ANGPT2: variants seen among roughly 807,000 people sequenced by gnomAD.
ANGPT2 encodes the protein angiopoietin 2.
A neutral mutation model predicts 62.9 loss-of-function variants in ANGPT2; 28 were observed. That is an observed-to-expected ratio of 0.44 (90% CI 0.33 to 0.61). ANGPT2 has a LOEUF of 0.61. ANGPT2 is among the 20% of genes least tolerant of loss of function. The pLI, the probability that ANGPT2 is intolerant of heterozygous loss-of-function variation, is 0.03. For missense variants in ANGPT2, 727 were observed against 594.9 expected, an observed-to-expected ratio of 1.22 and a Z score of -2.31; for synonymous variants, 284 against 207.8, an observed-to-expected ratio of 1.37 and a Z score of -3.15.
At chr8:6,526,901 C>G (rs766663176) in intron 3 of ANGPT2, among the ~76,000 whole-genome samples, 4 of 151,986 alleles carry the variant, frequency 2.6e-5, no homozygotes, top group Non-Finnish European at 2.9e-5. Flanking sequence ...TATTGTTGAT[C>G]TTGAGATTTT....
chr8:6,549,216 C>G (rs1293829860), intron 1 of ANGPT2, among the ~76,000 whole-genome samples: 1 of 152,202 alleles, frequency 6.6e-6, no homozygotes, highest in East Asian at 1.9e-4. Context: ...ACACAAATGT[C>G]AATCTACAGC....
intron 5 of ANGPT2, among the ~76,000 whole-genome samples, chr8:6,515,672 C>T (rs545349736): frequency 5.3e-5 from 8 of 152,156 alleles, no homozygotes; most frequent in East Asian, 1.9e-4. Flanking sequence ...TACAGTAGAA[C>T]GAAACATGTT....
chr8:6,526,629 G>T (rs866735949), intron 3 of ANGPT2, among the ~76,000 whole-genome samples: 3 of 152,092 alleles, frequency 2.0e-5, no homozygotes, highest in Non-Finnish European at 4.4e-5. Context: ...AGGACAGAAA[G>T]AATTATTTCA....
chr8:6,511,070 CTT>C (rs1814983861), intron 7 of ANGPT2, among the ~76,000 whole-genome samples: 1 of 152,198 alleles, frequency 6.6e-6, no homozygotes, highest in Non-Finnish European at 1.5e-5. Context: ...TTAACTCTCT[CTT>C]GTCTCCTTTG....
At chr8:6,548,785 G>A (rs140429562) in intron 1 of ANGPT2, among the ~76,000 whole-genome samples, 83 of 152,326 alleles carry the variant, frequency 5.4e-4, no homozygotes, top group African/African-American at 1.9e-3. Context: ...GTGCTATCAG[G>A]GAGGGAGGGA....
At chr8:6,539,142 C>T (rs936741174) in intron 1 of ANGPT2, among the ~76,000 whole-genome samples, 2 of 152,158 alleles carry the variant, frequency 1.3e-5, no homozygotes, top group African/African-American at 4.8e-5. Flanking sequence ...CTGGGAGATG[C>T]GGATTTTGGG....
chr8:6,534,986 A>G (rs1461834029), intron 1 of ANGPT2, among the ~76,000 whole-genome samples: 4 of 152,212 alleles, frequency 2.6e-5, no homozygotes, highest in African/African-American at 4.8e-5. Flanking sequence ...GTTACTCCTC[A>G]CAGCACCCCA....
intron 7 of ANGPT2, among the ~76,000 whole-genome samples, chr8:6,509,423 A>T (rs1349054124): frequency 6.6e-6 from 1 of 152,206 alleles, no homozygotes; most frequent in African/African-American, 2.4e-5. Flanking sequence ...ATAGAGACGG[A>T]GTCCTGAGAC....
intron 2 of ANGPT2, among the ~76,000 whole-genome samples, chr8:6,528,335 A>G (rs1818773625): frequency 6.6e-6 from 1 of 152,248 alleles, no homozygotes; most frequent in Admixed American, 6.5e-5. Context: ...GTCATATTTC[A>G]TAGGTGGAAA....
At chr8:6,510,330 G>A (rs1814789699) in intron 7 of ANGPT2, among the ~76,000 whole-genome samples, 2 of 152,118 alleles carry the variant, frequency 1.3e-5, no homozygotes, top group Admixed American at 6.5e-5. Context: ...AGACCCAGGC[G>A]AGGAGCCTAC....
chr8:6,527,702 A>T (rs751588029), intron 2 of ANGPT2, 26 bp from the exon 3 acceptor site: 1 of 1,569,844 alleles, frequency 6.4e-7, no homozygotes, highest in Non-Finnish European at 8.6e-7. Flanking sequence ...TGAAGTTCCT[A>T]TTAATTATTT....
chr8:6,550,011 G>C (rs559461624), intron 1 of ANGPT2, among the ~76,000 whole-genome samples: 2 of 152,322 alleles, frequency 1.3e-5, no homozygotes, highest in African/African-American at 4.8e-5. Context: ...GTGATCATTC[G>C]GGGACGGGGG....
Position 6,514,797 on chromosome 8 carries a change from G to A in ANGPT2, c.928-19C>T. On this transcript the variant is annotated intron_variant, in intron 5 of 8. Coordinates refer to ENST00000629816, the MANE Select transcript of ANGPT2 (RefSeq NM_001118887.2). ...AGTAGGCCTGCAAACAGGAATGCAG[G>A]GTATAAGTGACAGAGCCCCCCCACT... 6.2e-7 allele frequency: 1 copy of A among 1,609,666 alleles called. No homozygotes were observed. Among genetic ancestry groups the A allele is most frequent in the Non-Finnish European group, 8.5e-7 (1 of 1,176,326 alleles).
At chr8:6,550,450 C>A (rs573492203) in intron 1 of ANGPT2, among the ~76,000 whole-genome samples, 1 of 152,232 alleles carries the variant, frequency 6.6e-6, no homozygotes, top group Non-Finnish European at 1.5e-5. Flanking sequence ...AACCACTCAG[C>A]ATCCAGCGCG....
rs1812333851 is a variant in ANGPT2 at position 6,502,257 on chromosome 8, A to C, written c.*844T>G. The C allele has an allele frequency of 6.6e-6, 1 of 152,190 alleles. No individual in the cohort carries two copies. The highest frequency in any genetic ancestry group is 1.5e-5 in the Non-Finnish European group (1 of 68,030). The allele number at this position is 152,190 out of a possible 1,614,324, so 9.4% of individuals were successfully genotyped here. On this transcript the variant is annotated 3_prime_UTR_variant, in exon 9 of 9. Coordinates refer to ENST00000629816, the MANE Select transcript of ANGPT2 (RefSeq NM_001118887.2). The stretch of plus-strand genomic sequence containing the variant: ...TTAGGTCTTTTGGAAACAAATTATA[A>C]AATTGTAAATATTATCATAAAAGTT...
At chr8:6,530,491 G>A (rs1205308506) in intron 2 of ANGPT2, among the ~76,000 whole-genome samples, 1 of 132,548 alleles carries the variant, frequency 7.5e-6, no homozygotes, top group African/African-American at 2.8e-5. Flanking sequence ...CCTGGGCAAT[G>A]CAGTGAGACT....
At chr8:6,539,129 G>T (rs552812392) in intron 1 of ANGPT2, among the ~76,000 whole-genome samples, 24 of 152,350 alleles carry the variant, frequency 1.6e-4, no homozygotes, top group African/African-American at 5.3e-4. Context: ...AAAGAGGGAA[G>T]GGCTGGGAGA....
intron 3 of ANGPT2, among the ~76,000 whole-genome samples, chr8:6,525,736 T>G (rs1818207058): frequency 6.6e-6 from 1 of 152,242 alleles, no homozygotes; most frequent in African/African-American, 2.4e-5. Flanking sequence ...ATTTTCTTTT[T>G]TTATTATTTA....
chr8:6,538,921 T>A (rs866436650), intron 1 of ANGPT2, among the ~76,000 whole-genome samples: 2 of 152,228 alleles, frequency 1.3e-5, no homozygotes, highest in African/African-American at 4.8e-5. Flanking sequence ...GCTTTTGACC[T>A]AATGTTCTTG....
Sources: gnomAD v4.1 joint callset for allele counts (sites outside exome capture counted in the v4.1 genomes callset) on GRCh38, gnomAD v4.1.1 for gene constraint, MANE v1.5 for transcripts, NCBI Gene and HGNC (gene_info 2026-07-23, HGNC 2026-07-21) for gene names.